The following ADD3 variants were observed in gnomAD, a reference collection of about 807,000 sequenced individuals.
ADD3 encodes the protein adducin 3, also known as gamma-adducin.
ADD3 carries 25 observed loss-of-function variants against 80.2 expected under a neutral mutation model. That is an observed-to-expected ratio of 0.31 (90% CI 0.23 to 0.44). The LOEUF (loss-of-function observed/expected upper bound fraction) is 0.44, where lower values mean the gene tolerates loss of function less well. Ranked by LOEUF, ADD3 falls within the 20% of genes least tolerant of loss-of-function variation. ADD3 has a pLI of 1.00. For missense variants in ADD3, 829 were observed against 847.5 expected, an observed-to-expected ratio of 0.98 and a Z score of 0.27; for synonymous variants, 284 against 289.6, an observed-to-expected ratio of 0.98 and a Z score of 0.20.
chr10:110,044,163 C>T (rs1452018312), intron 1 of ADD3, among the ~76,000 whole-genome samples: 1 of 152,186 alleles, frequency 6.6e-6, no homozygotes, highest in Non-Finnish European at 1.5e-5. Context: ...GATCATGCCC[C>T]TGAACTCCGT....
chr10:110,092,882 CAG>C (rs756895769), intron 1 of ADD3, among the ~76,000 whole-genome samples: 10 of 152,012 alleles, frequency 6.6e-5, no homozygotes, highest in Non-Finnish European at 1.2e-4. Flanking sequence ...GCTGGAGAGA[CAG>C]AGTCTCACTC....
intron 2 of ADD3, among the ~76,000 whole-genome samples, chr10:110,103,586 ACT>A (rs1160870657): frequency 6.6e-6 from 1 of 152,144 alleles, no homozygotes; most frequent in Non-Finnish European, 1.5e-5. Flanking sequence ...GACATCACAC[ACT>A]GTCACTTCTG....
intron 1 of ADD3, among the ~76,000 whole-genome samples, chr10:110,014,942 C>T (rs1433815865): frequency 6.6e-6 from 1 of 151,804 alleles, no homozygotes; most frequent in African/African-American, 2.4e-5. Flanking sequence ...GGCGTGATCT[C>T]GGCTCAATGC....
chr10:110,122,373 C>T lies in ADD3; in HGVS notation c.1143+81C>T, dbSNP rs1003623241. On this transcript the variant is annotated intron_variant, in intron 9 of 14. Transcript: ENST00000356080. ...GATGCTTCCATTTTTGTAGAACATG[C>T]TCCATACTCTTCCAGAAGCTGAGTT... The T allele has an allele frequency of 3.6e-5, 46 of 1,264,274 alleles. No individual in the cohort carries two copies. The African/African-American group carries it at 6.3e-4, about 17-fold the overall frequency. The allele number at this position is 1,264,274 out of a possible 1,614,324, so 78.3% of individuals were successfully genotyped here. A position where few individuals can be genotyped will look rare whatever the true frequency, so the allele number is the denominator to read the frequency against.
chr10:110,085,103 G>T (rs1054482952), intron 1 of ADD3, among the ~76,000 whole-genome samples: 1 of 151,918 alleles, frequency 6.6e-6, no homozygotes, highest in Admixed American at 6.6e-5. Context: ...AATTAGTTTG[G>T]TGTCATAAAA....
At position 110,118,575 on chromosome 10, in the gene ADD3, G is replaced by A. The variant is rs750096366; in HGVS notation, c.568-12G>A. On this transcript the variant is annotated splice_polypyrimidine_tract_variant and intron_variant, in intron 5 of 14. Coordinates refer to ENST00000356080, the MANE Select transcript of ADD3 (RefSeq NM_016824.5). ...ATATACCAGTTAAATATGTCCTTCT[G>A]ATTTTTTCCAGGTGAAAGTCAATAT... is the stretch of plus-strand genomic sequence containing the variant. 1.7e-5 allele frequency: 28 copies of A among 1,612,480 alleles called. No individual in the cohort carries two copies. The highest frequency in any genetic ancestry group is 2.7e-5 in the African/African-American group (2 of 74,864).
intron 2 of ADD3, among the ~76,000 whole-genome samples, chr10:110,106,462 A>G (rs1388022535): frequency 6.6e-6 from 1 of 152,084 alleles, no homozygotes; most frequent in African/African-American, 2.4e-5. Context: ...GTGATGCCTC[A>G]AGTGAATTCT....
chr10:110,043,054 T>A (rs1856549163), intron 1 of ADD3, among the ~76,000 whole-genome samples: 1 of 152,210 alleles, frequency 6.6e-6, no homozygotes, highest in South Asian at 2.1e-4. Context: ...GGCTCAATGA[T>A]CAAGAATGTT....
In ADD3 at chr10:110,057,479, G is replaced by A. The variant is rs138700854; in HGVS notation, c.-29-43146G>A. Among the ~76,000 whole-genome samples, 104 of 152,262 alleles carry A rather than the reference G, an allele frequency of 6.8e-4. No individual in the cohort carries two copies. In the East Asian group the frequency reaches 0.019, roughly 28 times the overall value. The stretch of plus-strand genomic sequence containing the variant: ...CTCCTAGCCAGGAACTAATGCTTTA[G>A]ATCTACTGGTACTCAAACATTATTG... On this transcript the variant is annotated intron_variant, in intron 1 of 14. Transcript: ENST00000356080.
In ADD3 at chr10:110,119,582, C is replaced by G. The variant is rs771306473; in HGVS notation, c.960+18C>G. On this transcript the variant is annotated intron_variant, in intron 8 of 14. Transcript: ENST00000356080. ...AGATTCAGGTAGGAAACATTATTCC[C>G]CTTTTTTAATTGCTTTGTTATTTGC... 5 of 1,591,186 alleles carry G rather than the reference C, an allele frequency of 3.1e-6. No homozygotes were observed. In the African/African-American group the frequency reaches 5.4e-5, roughly 17 times the overall value.
rs79881693 is a variant in ADD3 at position 110,055,189 on chromosome 10, G to A, written c.-29-45436G>A. Among the ~76,000 whole-genome samples, 613 of 152,252 alleles carry A rather than the reference G, an allele frequency of 4.0e-3. 33 individuals are homozygous for A. In the East Asian group the frequency reaches 0.1, roughly 25 times the overall value. On this transcript the variant is annotated intron_variant, in intron 1 of 14. Transcript: ENST00000356080. ...TAAGTTATGATGATAAAAACATATG[G>A]GCAGGTGTAGTCAAAATATTTTTTT...
intron 1 of ADD3, among the ~76,000 whole-genome samples, chr10:110,022,222 A>C (rs1853760894): frequency 6.6e-6 from 1 of 152,144 alleles, no homozygotes; most frequent in Non-Finnish European, 1.5e-5. Context: ...TGGGTTTCAG[A>C]GAGTTGGAAC....
At chr10:110,095,333 G>T (rs1197656352) in intron 1 of ADD3, among the ~76,000 whole-genome samples, 1 of 152,174 alleles carries the variant, frequency 6.6e-6, no homozygotes, top group Non-Finnish European at 1.5e-5. Flanking sequence ...TTTAGAACAT[G>T]TTCATCACTC....
At chr10:110,119,420 G>C in intron 7 of ADD3, 46 bp from the exon 8 acceptor site, 1 of 1,613,524 alleles carries the variant, frequency 6.2e-7, no homozygotes, top group Non-Finnish European at 8.5e-7. Context: ...AACAGTGTGA[G>C]CTATGCCAGT....
chr10:110,117,419 T>C lies in ADD3; in HGVS notation c.564T>C (p.Asn188=), dbSNP rs2134100524. The part of the protein sequence containing the change: ...GLSFSEATAS[N]LVKVNIIGEV... Reference sequence around the variant, plus strand: ...CTTTTTCTGAAGCTACAGCCTCCAATTTGGTATAATTTTCCATTCCTGTGT... The same window carrying C: ...CTTTTTCTGAAGCTACAGCCTCCAACTTGGTATAATTTTCCATTCCTGTGT... Residue 188 remains asparagine, a synonymous_variant, in exon 5 of 15, where the codon AAT becomes AAC. Coordinates refer to ENST00000356080, the MANE Select transcript of ADD3 (RefSeq NM_016824.5). The C allele has an allele frequency of 6.3e-7, 1 of 1,582,788 alleles. No individual in the cohort carries two copies. The highest frequency in any genetic ancestry group is 8.7e-7 in the Non-Finnish European group (1 of 1,151,950).
chr10:110,060,671 T>C (rs1285216728), intron 1 of ADD3, among the ~76,000 whole-genome samples: 1 of 152,232 alleles, frequency 6.6e-6, no homozygotes, highest in East Asian at 1.9e-4. Context: ...CTTGGGATTT[T>C]GCACTCTGTC....
intron 1 of ADD3, among the ~76,000 whole-genome samples, chr10:110,070,985 G>A (rs1319431642): frequency 4.2e-5 from 4 of 95,586 alleles, no homozygotes; most frequent in South Asian, 8.5e-4. Context: ...TGTTTTTGGG[G>A]GGGGGGGGTG....
intron 1 of ADD3, among the ~76,000 whole-genome samples, chr10:110,082,663 T>C (rs1347322376): frequency 2.6e-5 from 4 of 152,242 alleles, no homozygotes; most frequent in African/African-American, 9.6e-5. Context: ...GTAGTTTCTT[T>C]GGTGTTTGAA....
At chr10:110,083,035 A>T (rs73351040) in intron 1 of ADD3, among the ~76,000 whole-genome samples, 12,458 of 152,226 alleles carry the variant, frequency 0.082, 1,647 homozygotes, top group African/African-American at 0.28. Flanking sequence ...CAGTGAGTTA[A>T]TAAACCCTTA....
Sources: allele counts gnomAD v4.1 joint callset (sites outside exome capture counted in the v4.1 genomes callset), GRCh38; gene constraint gnomAD v4.1.1; transcripts MANE v1.5; gene names NCBI Gene and HGNC (gene_info 2026-07-23, HGNC 2026-07-21).